Variants in IDE observed in about 807,000 individuals in gnomAD.
IDE encodes the protein insulin degrading enzyme.
IDE carries 58 observed loss-of-function variants against 133.2 expected under a neutral mutation model. That is an observed-to-expected ratio of 0.44 (90% CI 0.35 to 0.54). The LOEUF (loss-of-function observed/expected upper bound fraction) is 0.54, where lower values mean the gene tolerates loss of function less well. IDE is among the 20% of genes least tolerant of loss of function. The probability of loss-of-function intolerance (pLI) is 0.00; values close to 1 mark genes in which losing one functional copy is unlikely to be tolerated. For missense variants in IDE, 981 were observed against 1,234.0 expected (o/e 0.79, Z 3.07); for synonymous variants, 396 against 421.3 (o/e 0.94, Z 0.73).
chr10:92,546,917 G>T (rs1842555186), intron 1 of IDE, among the ~76,000 whole-genome samples: 1 of 151,998 alleles, frequency 6.6e-6, no homozygotes, highest in South Asian at 2.1e-4. Context: ...TTCTAATTCA[G>T]GATTTGAATG....
At chr10:92,549,292 G>A (rs1842676071) in intron 1 of IDE, among the ~76,000 whole-genome samples, 1 of 151,828 alleles carries the variant, frequency 6.6e-6, no homozygotes, top group Non-Finnish European at 1.5e-5. Flanking sequence ...AATATCAATA[G>A]TGCTAAGGAT....
At chr10:92,518,742 T>C (rs1180650967) in intron 4 of IDE, among the ~76,000 whole-genome samples, 2 of 152,176 alleles carry the variant, frequency 1.3e-5, no homozygotes, top group Admixed American at 6.5e-5. Flanking sequence ...CTCATCAATA[T>C]GGACAACTCT....
chr10:92,478,439 A>G (rs1846403566), intron 15 of IDE, among the ~76,000 whole-genome samples: 1 of 152,254 alleles, frequency 6.6e-6, no homozygotes, highest in Non-Finnish European at 1.5e-5. Context: ...AACGTAGCAC[A>G]CATACATGTT....
chr10:92,481,162 G>A (rs1023501894), intron 14 of IDE, among the ~76,000 whole-genome samples: 5 of 152,118 alleles, frequency 3.3e-5, no homozygotes, highest in Non-Finnish European at 7.3e-5. Context: ...TATCACAGAG[G>A]TCGGCCCCAC....
intron 1 of IDE, among the ~76,000 whole-genome samples, chr10:92,540,365 A>G (rs1842237287): frequency 6.6e-6 from 1 of 152,250 alleles, no homozygotes; most frequent in African/African-American, 2.4e-5. Context: ...TTTGAGTTCA[A>G]TATAAATTAA....
chr10:92,558,146 G>A (rs955005712), intron 1 of IDE, among the ~76,000 whole-genome samples: 3 of 152,116 alleles, frequency 2.0e-5, no homozygotes, highest in African/African-American at 4.8e-5. Context: ...TCCACCTCCC[G>A]GGTTCAAGCG....
Position 92,465,697 on chromosome 10 carries a change from G to T in IDE, c.2467C>A (p.Leu823Met). 6 of 1,613,506 alleles carry T rather than the reference G, an allele frequency of 3.7e-6. No homozygotes were observed. Among genetic ancestry groups the T allele is most frequent in the Non-Finnish European group, 3.4e-6 (4 of 1,179,460 alleles). Reference protein sequence around the residue: ...QIISEPCFNTLRTKEQLGYIV... With the variant: ...QIISEPCFNTMRTKEQLGYIV... ...TCACCCAACTGCTCCTTGGTGCGCAGGGTGTTGAAGCAAGGTTCCGAGATA... is the reference window on the plus strand; with the variant it reads ...TCACCCAACTGCTCCTTGGTGCGCATGGTGTTGAAGCAAGGTTCCGAGATA... Residue 823 changes from leucine to methionine, a missense_variant, in exon 20 of 25, where the codon CTG becomes ATG. By Grantham distance (15) the Leu-to-Met change is conservative. Around this residue, in one of 2 missense-constraint regions of IDE, gnomAD observed 660 missense variants for 894.7 expected, o/e 0.74. Coordinates refer to ENST00000265986, the MANE Select transcript of IDE (RefSeq NM_004969.4).
chr10:92,508,376 A>G (rs1848409855), intron 7 of IDE, among the ~76,000 whole-genome samples, 171 bp from the exon 8 acceptor site: 1 of 152,140 alleles, frequency 6.6e-6, no homozygotes, highest in African/African-American at 2.4e-5. Flanking sequence ...ATGGTGCAGA[A>G]GTGGGGGCTT....
intron 10 of IDE, among the ~76,000 whole-genome samples, chr10:92,505,208 T>A (rs780321652): frequency 6.6e-6 from 1 of 152,250 alleles, no homozygotes; most frequent in Non-Finnish European, 1.5e-5. Context: ...ACTGAGTACT[T>A]GTTAATGAAG....
intron 1 of IDE, among the ~76,000 whole-genome samples, chr10:92,538,364 G>C (rs1012386793): frequency 6.6e-6 from 1 of 152,170 alleles, no homozygotes; most frequent in Non-Finnish European, 1.5e-5. Flanking sequence ...ACTCCCATAG[G>C]GAACAACCCC....
chr10:92,475,327 T>A (rs1000881823), intron 16 of IDE, among the ~76,000 whole-genome samples: 2 of 152,152 alleles, frequency 1.3e-5, no homozygotes, highest in African/African-American at 4.8e-5. Context: ...GCAACATAAA[T>A]AGGTAGCCAT....
intron 1 of IDE, among the ~76,000 whole-genome samples, chr10:92,552,857 CAAA>C (rs71028827): frequency 0.063 from 3,113 of 49,426 alleles, 284 homozygotes; most frequent in African/African-American, 0.31. Flanking sequence ...GACTCAGTCT[CAAA>C]AAAAAAAAAA....
chr10:92,530,405 C>A (rs750033011), intron 4 of IDE, among the ~76,000 whole-genome samples: 3 of 151,518 alleles, frequency 2.0e-5, no homozygotes, highest in Non-Finnish European at 3.0e-5. Context: ...CCATCCTCAG[C>A]CTCCCAGGTA....
chr10:92,467,657 C>T (rs779948104), intron 19 of IDE, among the ~76,000 whole-genome samples: 12 of 152,202 alleles, frequency 7.9e-5, no homozygotes, highest in African/African-American at 2.7e-4. Context: ...TCTACACTGG[C>T]CTCACTTTGA....
chr10:92,533,456 T>C (rs1170563601), intron 3 of IDE, among the ~76,000 whole-genome samples: 2 of 152,122 alleles, frequency 1.3e-5, no homozygotes, highest in Non-Finnish European at 2.9e-5. Context: ...TTCAATAATA[T>C]AATAACTATT....
At chr10:92,510,719 C>T (rs1465668109) in intron 5 of IDE, among the ~76,000 whole-genome samples, 3 of 151,200 alleles carry the variant, frequency 2.0e-5, no homozygotes, top group Non-Finnish European at 4.4e-5. Flanking sequence ...ATATATATCA[C>T]ATACATCTCA....
At chr10:92,522,631 A>C (rs2135600496) in intron 4 of IDE, among the ~76,000 whole-genome samples, 1 of 152,308 alleles carries the variant, frequency 6.6e-6, no homozygotes, top group Non-Finnish European at 1.5e-5. Context: ...TGGAGAAATA[A>C]ATTCTGGGCA....
intron 24 of IDE, 62 bp downstream of exon 24, chr10:92,455,514 C>A (rs1004384399): frequency 2.9e-6 from 3 of 1,038,600 alleles, no homozygotes; most frequent in Non-Finnish European, 4.4e-6. Context: ...AAAAACCAAG[C>A]TGCTTCTTCT....
chr10:92,488,506 G>C (rs1402274213), intron 12 of IDE, among the ~76,000 whole-genome samples: 1 of 152,122 alleles, frequency 6.6e-6, no homozygotes, highest in Non-Finnish European at 1.5e-5. Flanking sequence ...GGCCAGGCGC[G>C]GTGGCTCACG....
Sources: gnomAD v4.1 joint callset for allele counts (sites outside exome capture counted in the v4.1 genomes callset) on GRCh38, gnomAD v4.1.1 for gene constraint, gnomAD v4.1.1 regional missense constraint, MANE v1.5 for transcripts, NCBI Gene and HGNC (gene_info 2026-07-23, HGNC 2026-07-21) for gene names.